The following CABIN1 variants were observed in gnomAD, a reference collection of about 807,000 sequenced individuals.
CABIN1 encodes the protein calcineurin binding protein 1.
A neutral mutation model predicts 227.7 loss-of-function variants in CABIN1; 133 were observed. The ratio of observed to expected loss-of-function variants is 0.58; its 90% CI spans 0.51 to 0.67. The LOEUF is 0.67. Among genes scored for constraint, CABIN1 ranks in the 30% least tolerant of loss-of-function variants. CABIN1 has a pLI of 0.00. For missense variants in CABIN1, 2,408 were observed against 2,852.5 expected, an observed-to-expected ratio of 0.84 and a Z score of 3.55; for synonymous variants, 1,086 against 1,155.1, an observed-to-expected ratio of 0.94 and a Z score of 1.21.
chr22:24,072,535 G>T, intron 18 of CABIN1, 25 bp downstream of exon 18: 2 of 1,613,920 alleles, frequency 1.2e-6, no homozygotes, highest in Non-Finnish European at 1.7e-6. Context: ...GGTGCAGTGG[G>T]GATGAGCTCT....
At chr22:24,087,766 G>T in intron 23 of CABIN1, 53 bp downstream of exon 23, 1 of 1,606,968 alleles carries the variant, frequency 6.2e-7, no homozygotes. Flanking sequence ...CAGACAGAGT[G>T]CCCTCAGGTC....
chr22:24,072,356 C>T lies in CABIN1; in HGVS notation c.2478C>T (p.Val826=). The change falls in exon 18 of 37, where the codon GTC becomes GTT. Residue 826 remains valine (V), a splice_region_variant and synonymous_variant. Coordinates refer to ENST00000263119, the MANE Select transcript of CABIN1 (RefSeq NM_012295.4). ...LVRLTNNLIQ[V]IDCSMAVQEE... ...TGTCTCCCACCCCGCACTGTCAGGT[C>T]ATTGACTGCAGCATGGCTGTGCAGG... The T allele has an allele frequency of 3.7e-6, 6 of 1,614,164 alleles. No homozygotes were observed. Among genetic ancestry groups the T allele is most frequent in the Non-Finnish European group, 5.1e-6 (6 of 1,180,022 alleles).
intron 7 of CABIN1, among the ~76,000 whole-genome samples, chr22:24,049,795 A>G (rs1233906281): frequency 1.3e-5 from 2 of 151,914 alleles, no homozygotes; most frequent in African/African-American, 2.4e-5. Context: ...TGTCTTCTCA[A>G]CCTGGCTCCC....
At position 24,085,098 on chromosome 22, in the gene CABIN1, G is replaced by A. The variant is rs769828905; in HGVS notation, c.3210G>A (p.Glu1070=). The change falls in exon 22 of 37, where the codon GAG becomes GAA. Residue 1070 remains glutamate, a synonymous_variant. Transcript: ENST00000263119. ...LLADYHFKNK[E]QSKAIKFYMH... ...CTGATTATCATTTCAAAAACAAGGA[G>A]CAGTCCAAGGCCATCAAGTTCTACA... The A allele has an allele frequency of 4.3e-6, 7 of 1,614,076 alleles. No individual in the cohort carries two copies. Among genetic ancestry groups the A allele is most frequent in the Admixed American group, 1.7e-5 (1 of 60,010 alleles).
At position 24,178,292 on chromosome 22, in the gene CABIN1, G is replaced by T; in HGVS notation, c.*96G>T. ...CTGGGCAGGACCAGAGGCCCACATG[G>T]ATGCCACTCCCCACACAGCCCCCAG... On this transcript the variant is annotated 3_prime_UTR_variant, in exon 37 of 37. Coordinates refer to ENST00000263119, the MANE Select transcript of CABIN1 (RefSeq NM_012295.4). The T allele has an allele frequency of 1.3e-6, 2 of 1,490,526 alleles. No homozygotes were observed. Among genetic ancestry groups the T allele is most frequent in the Admixed American group, 1.8e-5 (1 of 54,834 alleles). 92.3% of individuals were successfully genotyped at this position (1,490,526 alleles called of 1,614,324 possible). A position where few individuals can be genotyped will look rare whatever the true frequency, so the allele number is the denominator to read the frequency against.
chr22:24,070,742 C>T, intron 16 of CABIN1, 58 bp from the exon 17 acceptor site: 1 of 1,613,250 alleles, frequency 6.2e-7, no homozygotes, highest in Non-Finnish European at 8.5e-7. Context: ...CTGCTCAGGC[C>T]TTGGGCCCAG....
chr22:24,095,902 T>G (rs1487533825), intron 24 of CABIN1, 29 bp from the exon 25 acceptor site: 5 of 1,613,636 alleles, frequency 3.1e-6, no homozygotes, highest in Non-Finnish European at 3.4e-6. Flanking sequence ...CTGGGAAGGC[T>G]GCTCACACTA....
chr22:24,139,608 T>C (rs2044629140), intron 29 of CABIN1, among the ~76,000 whole-genome samples: 1 of 152,142 alleles, frequency 6.6e-6, no homozygotes, highest in South Asian at 2.1e-4. Context: ...TTAGCGACTT[T>C]GCTTTTTCCA....
chr22:24,032,977 C>G (rs2146885787), intron 1 of CABIN1, among the ~76,000 whole-genome samples: 1 of 152,312 alleles, frequency 6.6e-6, no homozygotes, highest in South Asian at 2.1e-4. Context: ...ACTCAGGAGG[C>G]TGAGGCAGGA....
rs1055735807 is a variant in CABIN1 at position 24,083,153 on chromosome 22, C to T, written c.2749-75C>T. 6.7e-6 allele frequency: 10 copies of T among 1,502,584 alleles called. No homozygotes were observed. The Admixed American group carries it at 1.5e-4, about 23-fold the overall frequency. 93.1% of individuals were successfully genotyped at this position (1,502,584 alleles called of 1,614,324 possible). ...AAAAGAGTTGATAGAGTGGTGGTTT[C>T]TCTGGGGCCCTGCTGTGACAGGGAG... is the stretch of plus-strand genomic sequence containing the variant. On this transcript the variant is annotated intron_variant, in intron 19 of 36. Coordinates refer to ENST00000263119, the MANE Select transcript of CABIN1 (RefSeq NM_012295.4).
intron 18 of CABIN1, among the ~76,000 whole-genome samples, chr22:24,075,096 G>A (rs2040346477): frequency 6.6e-6 from 1 of 152,062 alleles, no homozygotes; most frequent in Admixed American, 6.5e-5. Context: ...CTAGCTACTT[G>A]GGAGGCTGAG....
intron 15 of CABIN1, among the ~76,000 whole-genome samples, chr22:24,065,090 C>T (rs1555925410): frequency 1.3e-5 from 2 of 151,114 alleles, no homozygotes; most frequent in African/African-American, 4.9e-5. Flanking sequence ...CCAGTAGGGG[C>T]GGCCGGGCAG....
At chr22:24,045,995 G>A (rs1287424853) in intron 6 of CABIN1, among the ~76,000 whole-genome samples, 1 of 152,170 alleles carries the variant, frequency 6.6e-6, no homozygotes, top group East Asian at 1.9e-4. Flanking sequence ...CATGTGCAGC[G>A]CCCCAGAAGG....
chr22:24,119,260 A>C (rs13057912), intron 27 of CABIN1, 107 bp from the exon 28 acceptor site: 20,224 of 949,796 alleles, frequency 0.021, 291 homozygotes, highest in Non-Finnish European at 0.024. Flanking sequence ...GCATTGATCC[A>C]GCCGTGCTGA....
intron 26 of CABIN1, among the ~76,000 whole-genome samples, chr22:24,109,787 A>G (rs536922613): frequency 7.9e-5 from 12 of 152,346 alleles, no homozygotes; most frequent in African/African-American, 2.6e-4. Context: ...AGTAAATGGC[A>G]CAAGAGGAAC....
At chr22:24,049,040 G>A in intron 6 of CABIN1, 51 bp from the exon 7 acceptor site, 1 of 1,606,868 alleles carries the variant, frequency 6.2e-7, no homozygotes, top group Non-Finnish European at 8.5e-7. Flanking sequence ...GGCAAGGCCA[G>A]AGCTTCTGAG....
chr22:24,124,854 A>T (rs1431739530), intron 28 of CABIN1, among the ~76,000 whole-genome samples: 1 of 152,150 alleles, frequency 6.6e-6, no homozygotes, highest in Non-Finnish European at 1.5e-5. Flanking sequence ...AAGGGGTTCA[A>T]GGCAGAGGGG....
intron 29 of CABIN1, among the ~76,000 whole-genome samples, chr22:24,143,141 A>G (rs1371200724): frequency 6.6e-6 from 1 of 152,148 alleles, no homozygotes; most frequent in Non-Finnish European, 1.5e-5. Flanking sequence ...GTGCTGGAGG[A>G]GGGGTGTGTA....
intron 24 of CABIN1, 133 bp from the exon 25 acceptor site, chr22:24,095,798 G>A (rs2041856238): frequency 1.1e-6 from 1 of 936,880 alleles, no homozygotes; most frequent in East Asian, 2.4e-5. Context: ...TGGTTTAAAA[G>A]CTAACAAAAA....
Sources: gnomAD v4.1 joint callset for allele counts (sites outside exome capture counted in the v4.1 genomes callset) on GRCh38, gnomAD v4.1.1 for gene constraint, MANE v1.5 for transcripts, NCBI Gene and HGNC (gene_info 2026-07-23, HGNC 2026-07-21) for gene names.